The following NDUFAF6 variants were observed in gnomAD, a reference collection of about 807,000 sequenced individuals.
NDUFAF6 encodes NADH:ubiquinone oxidoreductase complex assembly factor 6, also known as NADH dehydrogenase (ubiquinone) complex I, assembly factor 6.
In NDUFAF6, 45 loss-of-function variants were observed where a neutral mutation model predicts 40.8. The ratio of observed to expected loss-of-function variants is 1.10; its 90% CI spans 0.87 to 1.42. The LOEUF (loss-of-function observed/expected upper bound fraction) is 1.42. NDUFAF6 is among the 40% of genes most tolerant of loss of function. The probability of loss-of-function intolerance (pLI) is 0.00; values close to 1 mark genes in which losing one functional copy is unlikely to be tolerated. For synonymous variants in NDUFAF6, 185 were observed against 155.9 expected, an observed-to-expected ratio of 1.19 and a Z score of -1.39; for missense variants, 435 against 418.5, an observed-to-expected ratio of 1.04 and a Z score of -0.34.
chr8:95,014,287 T>C (rs1827348747), intron 2 of NDUFAF6, among the ~76,000 whole-genome samples: 1 of 152,204 alleles, frequency 6.6e-6, no homozygotes, highest in African/African-American at 2.4e-5. Flanking sequence ...GATAACTGAA[T>C]TGTGTCAAAC....
Position 94,911,350 on chromosome 8 carries a change from T to C in NDUFAF6, c.-936+15423T>C, listed in dbSNP as rs536968434. On this transcript the variant is annotated intron_variant, in intron 1 of 14. Coordinates refer to the NDUFAF6 transcript ENST00000396113. Reference sequence around the variant, plus strand: ...TCATCTATAAAAAGGGAATAACACCTACCTCACAGTATATAATTAAAGGAA... The same window carrying C: ...TCATCTATAAAAAGGGAATAACACCCACCTCACAGTATATAATTAAAGGAA... Among the ~76,000 whole-genome samples, 71 of 152,356 alleles carry C rather than the reference T, an allele frequency of 4.7e-4. 1 individual carries two copies. Among genetic ancestry groups the C allele is most frequent in the South Asian group, 8.3e-4 (4 of 4,828 alleles).
At chr8:94,932,388 A>G (rs1019658849) in intron 1 of NDUFAF6, among the ~76,000 whole-genome samples, 3 of 152,356 alleles carry the variant, frequency 2.0e-5, no homozygotes, top group East Asian at 1.9e-4. Context: ...AATGGAAGCA[A>G]TCTGACTTCT....
chr8:95,017,846 A>C (rs1231944349), intron 2 of NDUFAF6, among the ~76,000 whole-genome samples: 1 of 152,180 alleles, frequency 6.6e-6, no homozygotes, highest in Non-Finnish European at 1.5e-5. Flanking sequence ...AATCATGTGC[A>C]CTTGGAACAA....
At chr8:95,032,634 A>C (rs979097682) in intron 2 of NDUFAF6, among the ~76,000 whole-genome samples, 1 of 152,172 alleles carries the variant, frequency 6.6e-6, no homozygotes, top group African/African-American at 2.4e-5. Context: ...AATAAATTGG[A>C]ATGGTGGATG....
chr8:94,960,199 C>T (rs2131472341), intron 1 of NDUFAF6, among the ~76,000 whole-genome samples: 1 of 152,340 alleles, frequency 6.6e-6, no homozygotes, highest in African/African-American at 2.4e-5. Flanking sequence ...AATTGACATA[C>T]TGTATACTTC....
intron 1 of NDUFAF6, among the ~76,000 whole-genome samples, chr8:94,962,518 C>G (rs1287483753): frequency 6.6e-6 from 1 of 152,176 alleles, no homozygotes; most frequent in East Asian, 1.9e-4. Context: ...GTCTCAAACT[C>G]CTGGCCTCAA....
At chr8:95,080,050 A>T (rs1364547327), downstream of NDUFAF6, among the ~76,000 whole-genome samples, 1 of 68,102 alleles carries the variant, frequency 1.5e-5, no homozygotes, top group Non-Finnish European at 2.8e-5. Flanking sequence ...TTTTGTAGTG[A>T]TTTTTTGTAG....
chr8:94,925,352 A>G (rs1046589227), intron 1 of NDUFAF6, among the ~76,000 whole-genome samples: 17 of 152,254 alleles, frequency 1.1e-4, no homozygotes, highest in African/African-American at 4.1e-4. Flanking sequence ...GTCCTAAAAC[A>G]CTTCTATAAG....
At chr8:94,993,466 G>A (rs547380244) in intron 2 of NDUFAF6, among the ~76,000 whole-genome samples, 1 of 152,358 alleles carries the variant, frequency 6.6e-6, no homozygotes, top group Non-Finnish European at 1.5e-5. Flanking sequence ...CCAATAGAAT[G>A]TGGCAGAAGT....
In NDUFAF6 at chr8:95,057,923, A is replaced by G. The variant is rs771222682; in HGVS notation, c.988A>G (p.Arg330Gly). ...LPLYLYIQSW[R>G]KTY Reference sequence around the variant, plus strand: ...ATTATATTTGTATATTCAGTCATGGAGAAAAACATATTAAAATAATTTCAT... The same window carrying G: ...ATTATATTTGTATATTCAGTCATGGGGAAAAACATATTAAAATAATTTCAT... Residue 330 changes from arginine (R) to glycine (G), a missense_variant, in exon 9 of 9, where the codon AGA becomes GGA. Transcript: ENST00000396124. The G allele has an allele frequency of 5.2e-6, 8 of 1,536,226 alleles. 1 individual carries two copies. The South Asian group carries it at 9.0e-5, about 17-fold the overall frequency.
At chr8:94,998,401 C>T (rs951768064) in intron 2 of NDUFAF6, among the ~76,000 whole-genome samples, 18 of 151,956 alleles carry the variant, frequency 1.2e-4, no homozygotes, top group Non-Finnish European at 8.8e-5. Flanking sequence ...CACACACACA[C>T]ACACACACAC....
At chr8:94,990,798 C>T (rs1826158040) in intron 2 of NDUFAF6, among the ~76,000 whole-genome samples, 1 of 152,158 alleles carries the variant, frequency 6.6e-6, no homozygotes. Flanking sequence ...TAAAGAAAAG[C>T]TCTAGGACAC....
upstream of NDUFAF6, among the ~76,000 whole-genome samples, chr8:94,953,874 T>A (rs1822844784): frequency 6.6e-6 from 1 of 152,242 alleles, no homozygotes; most frequent in African/African-American, 2.4e-5. Flanking sequence ...CAAGATGAAT[T>A]TATGCTTTTA....
upstream of NDUFAF6, among the ~76,000 whole-genome samples, chr8:95,098,262 G>A (rs1215313053): frequency 6.6e-6 from 1 of 152,238 alleles, no homozygotes; most frequent in African/African-American, 2.4e-5. Context: ...GGCCGGGCTG[G>A]TGGCTCACGC....
intron 1 of NDUFAF6, chr8:94,940,956 TGA>T (rs778800050): frequency 1.9e-6 from 3 of 1,598,148 alleles, no homozygotes; most frequent in African/African-American, 1.3e-5. Context: ...AAGGCAAGAC[TGA>T]GAGTTTGGCT....
At chr8:94,926,697 T>C (rs1304416546) in intron 1 of NDUFAF6, 2 of 152,158 alleles carry the variant, frequency 1.3e-5, no homozygotes, top group Non-Finnish European at 2.9e-5. Context: ...CAAGAGTAAC[T>C]CTCCTCCCAT....
intron 2 of NDUFAF6, among the ~76,000 whole-genome samples, chr8:94,949,586 C>G (rs1164217826): frequency 6.6e-6 from 1 of 151,750 alleles, no homozygotes; most frequent in African/African-American, 2.4e-5. Flanking sequence ...GCGTGAAGGC[C>G]TGGGCGAGCG....
intron 2 of NDUFAF6, among the ~76,000 whole-genome samples, chr8:95,007,195 C>CT (rs1024959033): frequency 1.2e-4 from 18 of 151,440 alleles, no homozygotes; most frequent in Middle Eastern, 3.4e-3. Context: ...AAGCTGCCTT[C>CT]TTTTTTTTGA....
At chr8:95,110,045 A>G (rs185820102) in intron 4 of NDUFAF6, among the ~76,000 whole-genome samples, 152 of 152,344 alleles carry the variant, frequency 1.0e-3, no homozygotes, top group Middle Eastern at 6.8e-3. Context: ...ATGATCCATT[A>G]TGTGTTATCT....
Sources: allele counts gnomAD v4.1 joint callset (sites outside exome capture counted in the v4.1 genomes callset), GRCh38; gene constraint gnomAD v4.1.1; transcripts MANE v1.5; gene names NCBI Gene and HGNC (gene_info 2026-07-23, HGNC 2026-07-21).